The following PCDH9 variants were observed in gnomAD, a reference collection of about 807,000 sequenced individuals.
The protein encoded by PCDH9 is protocadherin-9.
Under a neutral mutation model 70.6 loss-of-function variants are expected in PCDH9, and 24 were observed. The observed-to-expected ratio is 0.34, with a 90% CI of 0.25 to 0.48. The LOEUF (loss-of-function observed/expected upper bound fraction) is 0.48. Ranked by LOEUF, PCDH9 falls within the 20% of genes least tolerant of loss-of-function variation. PCDH9 has a pLI of 0.99. For missense variants in PCDH9, 1,281 were observed against 1,503.6 expected, an observed-to-expected ratio of 0.85 and a Z score of 2.45; for synonymous variants, 562 against 558.5, an observed-to-expected ratio of 1.01 and a Z score of -0.09.
chr13:67,084,344 G>A (rs1305832330), intron 2 of PCDH9, among the ~76,000 whole-genome samples: 1 of 152,090 alleles, frequency 6.6e-6, no homozygotes, highest in East Asian at 1.9e-4. Flanking sequence ...TCCCACTCAT[G>A]AGCCAGAGCT....
intron 2 of PCDH9, among the ~76,000 whole-genome samples, chr13:67,177,849 A>G (rs2088506081): frequency 6.6e-6 from 1 of 152,062 alleles, no homozygotes; most frequent in Non-Finnish European, 1.5e-5. Context: ...CCCAGTGCAT[A>G]TAATAATTGC....
At chr13:67,044,250 G>GA (rs555956948) in intron 2 of PCDH9, among the ~76,000 whole-genome samples, 2 of 151,942 alleles carry the variant, frequency 1.3e-5, no homozygotes, top group African/African-American at 2.4e-5. Context: ...GAGAAAAATG[G>GA]AAAAAAGCAA....
chr13:66,946,776 A>G (rs1355105966), intron 2 of PCDH9, among the ~76,000 whole-genome samples: 6 of 152,062 alleles, frequency 3.9e-5, no homozygotes. Flanking sequence ...AAAAAATTCT[A>G]ATAGAATTTT....
At chr13:66,937,184 C>T (rs1456164235) in intron 2 of PCDH9, among the ~76,000 whole-genome samples, 2 of 152,140 alleles carry the variant, frequency 1.3e-5, no homozygotes, top group East Asian at 1.9e-4. Flanking sequence ...ATGGATTTTA[C>T]ATGCATTATC....
chr13:66,719,057 T>C (rs1278343625), intron 3 of PCDH9, among the ~76,000 whole-genome samples: 1 of 152,188 alleles, frequency 6.6e-6, no homozygotes, highest in Non-Finnish European at 1.5e-5. Context: ...TATGGGCTAA[T>C]GTATTTCTTA....
chr13:66,367,742 C>A (rs563461818), intron 4 of PCDH9, among the ~76,000 whole-genome samples: 5 of 152,084 alleles, frequency 3.3e-5, no homozygotes, highest in Non-Finnish European at 7.4e-5. Context: ...CATTCACAAG[C>A]ATTATGCTTT....
intron 4 of PCDH9, among the ~76,000 whole-genome samples, chr13:66,549,481 C>A (rs989348669): frequency 6.6e-6 from 1 of 151,792 alleles, no homozygotes; most frequent in Non-Finnish European, 1.5e-5. Flanking sequence ...GTACATATAC[C>A]GTATCACATT....
chr13:66,825,431 G>T (rs2080804725), intron 3 of PCDH9, among the ~76,000 whole-genome samples: 2 of 141,184 alleles, frequency 1.4e-5, no homozygotes, highest in Non-Finnish European at 3.0e-5. Flanking sequence ...CCGCCTCCCG[G>T]GTTCACGCCA....
intron 3 of PCDH9, among the ~76,000 whole-genome samples, chr13:66,746,070 A>AT (rs2079357875): frequency 6.6e-6 from 1 of 152,140 alleles, no homozygotes; most frequent in South Asian, 2.1e-4. Context: ...CATTTAAGTC[A>AT]TTTTTTAATT....
At chr13:67,123,234 AT>A (rs1416551007) in intron 2 of PCDH9, among the ~76,000 whole-genome samples, 1 of 152,176 alleles carries the variant, frequency 6.6e-6, no homozygotes, top group Non-Finnish European at 1.5e-5. Flanking sequence ...ATAAATAAAG[AT>A]TGTCAACGTT....
intron 4 of PCDH9, among the ~76,000 whole-genome samples, chr13:66,306,017 C>T (rs1457325644): frequency 6.6e-6 from 1 of 151,856 alleles, no homozygotes; most frequent in Non-Finnish European, 1.5e-5. Flanking sequence ...GTCTTACCCC[C>T]CTTGATTAAA....
At chr13:66,872,166 T>G (rs1003399992) in intron 3 of PCDH9, among the ~76,000 whole-genome samples, 1 of 152,172 alleles carries the variant, frequency 6.6e-6, no homozygotes, top group Non-Finnish European at 1.5e-5. Context: ...TCAAAATTAA[T>G]GATGTTGCTG....
chr13:66,631,843 G>A (rs150249533), intron 3 of PCDH9, among the ~76,000 whole-genome samples: 80 of 152,142 alleles, frequency 5.3e-4, no homozygotes, highest in Admixed American at 1.2e-3. Flanking sequence ...GATGTTTTTA[G>A]GGTAACATTT....
At chr13:66,662,041 A>ATGTG (rs60088223) in intron 3 of PCDH9, among the ~76,000 whole-genome samples, 10 of 150,244 alleles carry the variant, frequency 6.7e-5, no homozygotes, top group Non-Finnish European at 1.2e-4. Context: ...CTTTGTGAGT[A>ATGTG]TGTGTGTGTG....
chr13:66,897,644 T>C (rs2082205312), intron 3 of PCDH9, among the ~76,000 whole-genome samples: 1 of 152,136 alleles, frequency 6.6e-6, no homozygotes, highest in South Asian at 2.1e-4. Flanking sequence ...GTATTATACA[T>C]AGGCATTAGA....
chr13:66,697,909 G>A (rs1466678705), intron 3 of PCDH9, among the ~76,000 whole-genome samples: 1 of 152,118 alleles, frequency 6.6e-6, no homozygotes, highest in East Asian at 1.9e-4. Context: ...TAAACAAAAT[G>A]TTATATATAC....
At chr13:66,751,820 A>G (rs776911282) in intron 3 of PCDH9, among the ~76,000 whole-genome samples, 1 of 152,210 alleles carries the variant, frequency 6.6e-6, no homozygotes, top group Non-Finnish European at 1.5e-5. Flanking sequence ...ACCAGACAAC[A>G]TAGTTCCAAT....
At chr13:67,127,740 C>A (rs2087016010) in intron 2 of PCDH9, among the ~76,000 whole-genome samples, 1 of 145,728 alleles carries the variant, frequency 6.9e-6, no homozygotes. Flanking sequence ...ATATTTTTTT[C>A]TTTCCTCATG....
At chr13:66,557,912 G>C (rs149322216) in intron 4 of PCDH9, among the ~76,000 whole-genome samples, 3 of 152,268 alleles carry the variant, frequency 2.0e-5, no homozygotes, top group South Asian at 2.1e-4. Flanking sequence ...AACAGTTTGC[G>C]AGGCCAAGAC....
Sources: gnomAD v4.1 joint callset for allele counts (sites outside exome capture counted in the v4.1 genomes callset) on GRCh38, gnomAD v4.1.1 for gene constraint, MANE v1.5 for transcripts, NCBI Gene and HGNC (gene_info 2026-07-23, HGNC 2026-07-21) for gene names.